The following USP32 variants were observed in gnomAD, a reference collection of about 807,000 sequenced individuals.
USP32 encodes ubiquitin specific peptidase 32, also known as ubiquitin carboxyl-terminal hydrolase 32.
USP32 carries 59 observed loss-of-function variants against 204.8 expected under a neutral mutation model. The ratio of observed to expected loss-of-function variants is 0.29; its 90% CI spans 0.23 to 0.36. The LOEUF is 0.36. Ranked by LOEUF, USP32 falls within the 10% of genes least tolerant of loss-of-function variation. The probability of loss-of-function intolerance (pLI) is 1.00; values close to 1 mark genes in which losing one functional copy is unlikely to be tolerated. For synonymous variants in USP32, 517 were observed against 678.4 expected (o/e 0.76, Z 3.70); for missense variants, 1,160 against 1,946.4 (o/e 0.60, Z 7.60).
chr17:60,421,403 G>A (rs2090112100), intron 1 of USP32: 3 of 985,544 alleles, frequency 3.0e-6, no homozygotes, highest in Non-Finnish European at 3.6e-6. Context: ...TCCTGTGCCC[G>A]AGGTGGCCGC....
At chr17:60,311,839 A>C (rs953483427) in intron 2 of USP32, among the ~76,000 whole-genome samples, 4 of 152,146 alleles carry the variant, frequency 2.6e-5, no homozygotes, top group African/African-American at 9.7e-5. Context: ...CAAAACAAAA[A>C]AAAACGGTAG....
At position 60,199,967 on chromosome 17, in the gene USP32, G is replaced by A. The variant is rs1465651624; in HGVS notation, c.3250-1523C>T. ...TCCCAGCACTTCAGGAGGCCGAGGC[G>A]GGCGGATCATGAGGTCAGGAGTTCG... is the stretch of plus-strand genomic sequence containing the variant. On this transcript the variant is annotated intron_variant, in intron 26 of 33. Transcript: ENST00000300896. Among the ~76,000 whole-genome samples, 17 of 152,164 alleles carry A rather than the reference G, an allele frequency of 1.1e-4. No homozygotes were observed. The East Asian group carries it at 2.5e-3, about 23-fold the overall frequency.
intron 2 of USP32, among the ~76,000 whole-genome samples, chr17:60,316,992 T>C (rs1433191642): frequency 1.3e-5 from 2 of 152,088 alleles, no homozygotes; most frequent in Admixed American, 1.3e-4. Context: ...ACAAGCAAAT[T>C]CATAGAAGTA....
intron 1 of USP32, among the ~76,000 whole-genome samples, chr17:60,366,124 T>A (rs889262863): frequency 1.3e-5 from 2 of 150,942 alleles, no homozygotes; most frequent in Non-Finnish European, 1.5e-5. Flanking sequence ...ATTACAGGCA[T>A]GTGACACCAC....
At position 60,183,151 on chromosome 17, in the gene USP32, C is replaced by T. The variant is rs892339963; in HGVS notation, c.4123+14G>A. 1 of 1,584,758 alleles carries T rather than the reference C, an allele frequency of 6.3e-7. No homozygotes were observed. The highest frequency in any genetic ancestry group is 1.4e-5 in the African/African-American group (1 of 73,652). ...GTCCCAAGAAAGCACCTGCATAAGG[C>T]CCCCAGGCCTCACCTTTCGGGCTGC... On this transcript the variant is annotated intron_variant, in intron 31 of 33. Coordinates refer to ENST00000300896, the MANE Select transcript of USP32 (RefSeq NM_032582.4).
rs1283837001 is a variant in USP32 at position 60,276,430 on chromosome 17, TAAAAAG to T, written c.572-4955_572-4950del. Among the ~76,000 whole-genome samples the T allele has an allele frequency of 1.1e-4, 17 of 152,238 alleles. No individual in the cohort carries two copies. The East Asian group carries it at 3.3e-3, about 29-fold the overall frequency. On this transcript the variant is annotated intron_variant, in intron 5 of 33. Coordinates refer to ENST00000300896, the MANE Select transcript of USP32 (RefSeq NM_032582.4). ...TGTCTGTCTATTCCATTTATGATGC[TAAAAAG>T]AAAAAGAAGCCTCTTTCATTCCTCC...
At chr17:60,324,070 C>CA (rs962991041) in intron 2 of USP32, among the ~76,000 whole-genome samples, 2 of 152,076 alleles carry the variant, frequency 1.3e-5, no homozygotes, top group Non-Finnish European at 2.9e-5. Flanking sequence ...TGCTTGAGGC[C>CA]AGGAGTTCAA....
chr17:60,185,127 T>C (rs1439936085), intron 30 of USP32, among the ~76,000 whole-genome samples: 1 of 152,196 alleles, frequency 6.6e-6, no homozygotes, highest in Non-Finnish European at 1.5e-5. Flanking sequence ...TAGCCTAAGC[T>C]TCCTCTCTCC....
At chr17:60,276,741 C>A (rs2086848806) in intron 5 of USP32, among the ~76,000 whole-genome samples, 4 of 151,992 alleles carry the variant, frequency 2.6e-5, no homozygotes, top group African/African-American at 9.7e-5. Flanking sequence ...TTAAAAAACA[C>A]AATTTCTTTG....
At chr17:60,208,529 C>T in intron 23 of USP32, 125 bp downstream of exon 23, 1 of 1,329,408 alleles carries the variant, frequency 7.5e-7, no homozygotes, top group Non-Finnish European at 9.7e-7. Flanking sequence ...AATTAGGTTG[C>T]TCAATTATAA....
chr17:60,351,625 G>A (rs879738095), intron 1 of USP32, among the ~76,000 whole-genome samples: 6 of 151,966 alleles, frequency 3.9e-5, no homozygotes, highest in Non-Finnish European at 7.4e-5. Context: ...GCGGGGTTTC[G>A]CCATGCTGGC....
chr17:60,211,161 A>G (rs1209449984), intron 20 of USP32, 43 bp from the exon 21 acceptor site: 30 of 1,600,088 alleles, frequency 1.9e-5, no homozygotes, highest in Non-Finnish European at 2.5e-5. Flanking sequence ...GATTCTCATA[A>G]ATCACAATCA....
chr17:60,360,340 T>G (rs998969518), intron 1 of USP32, among the ~76,000 whole-genome samples: 2 of 151,962 alleles, frequency 1.3e-5, no homozygotes, highest in African/African-American at 4.8e-5. Flanking sequence ...TTTTGTATTT[T>G]TACAAATACA....
At chr17:60,182,149 A>T (rs1307240387) in intron 31 of USP32, among the ~76,000 whole-genome samples, 1 of 152,220 alleles carries the variant, frequency 6.6e-6, no homozygotes, top group Non-Finnish European at 1.5e-5. Flanking sequence ...TGGTACTGGG[A>T]ATTTGTTGCT....
chr17:60,258,493 T>A (rs1251305677), intron 9 of USP32: 1 of 156,558 alleles, frequency 6.4e-6, no homozygotes, highest in African/African-American at 2.4e-5. Flanking sequence ...CTTTGACCAA[T>A]CTGCATCAGC....
chr17:60,311,417 GT>G (rs1738981156), intron 2 of USP32, among the ~76,000 whole-genome samples: 1 of 152,152 alleles, frequency 6.6e-6, no homozygotes, highest in Non-Finnish European at 1.5e-5. Context: ...TGTCATCCCA[GT>G]AAATAATATG....
chr17:60,291,537 ATG>A (rs58874239), intron 4 of USP32, among the ~76,000 whole-genome samples: 25,372 of 144,754 alleles, frequency 0.18, 2,626 homozygotes, highest in African/African-American at 0.31. Flanking sequence ...CTGTGTGTGT[ATG>A]TGTGTGTGTG....
intron 1 of USP32, among the ~76,000 whole-genome samples, chr17:60,362,450 A>C (rs2089229037): frequency 6.6e-6 from 1 of 152,206 alleles, no homozygotes; most frequent in African/African-American, 2.4e-5. Flanking sequence ...TAAAATTAAC[A>C]ATTTAAATTA....
intron 1 of USP32, among the ~76,000 whole-genome samples, chr17:60,347,553 CTG>C (rs2088819212): frequency 1.3e-5 from 2 of 151,514 alleles, no homozygotes. Flanking sequence ...CAGGGTTTCA[CTG>C]TGTTAGCCAG....
Sources: allele counts gnomAD v4.1 joint callset (sites outside exome capture counted in the v4.1 genomes callset), GRCh38; gene constraint gnomAD v4.1.1; transcripts MANE v1.5; gene names NCBI Gene and HGNC (gene_info 2026-07-23, HGNC 2026-07-21).